TMCO5A: variants seen among roughly 807,000 people sequenced by gnomAD.
TMCO5A encodes the protein transmembrane and coiled-coil domain-containing protein 5A.
In TMCO5A, 34 loss-of-function variants were observed where a neutral mutation model predicts 42.3. That is an observed-to-expected ratio of 0.80 (90% CI 0.61 to 1.07). The LOEUF is 1.07. Among genes scored for constraint, TMCO5A ranks in the 50% least tolerant of loss-of-function variants. The pLI, the probability that TMCO5A is intolerant of heterozygous loss-of-function variation, is 0.00. For synonymous variants in TMCO5A, 131 were observed against 115.6 expected (o/e 1.13, Z -0.86); for missense variants, 357 against 327.9 (o/e 1.09, Z -0.69).
chr15:38,006,806 C>G, the TMCO5A span, among the ~76,000 whole-genome samples: 9,984 of 151,698 alleles, frequency 0.066, 1,111 homozygotes, highest in African/African-American at 0.23. Context: ...TGTAAAAAAT[C>G]ACCCAGTAAA....
the TMCO5A span, among the ~76,000 whole-genome samples, chr15:37,984,190 GC>G: frequency 0.011 from 1,626 of 152,308 alleles, 42 homozygotes; most frequent in African/African-American, 0.037. Flanking sequence ...AATACATGAA[GC>G]TTTTTTTAGC....
downstream of TMCO5A, among the ~76,000 whole-genome samples, chr15:37,972,096 T>A (rs1017577964): frequency 1.3e-5 from 2 of 152,174 alleles, no homozygotes; most frequent in African/African-American, 2.4e-5. Flanking sequence ...TACCTGAGAC[T>A]GGGCAATTTA....
At chr15:37,985,978 G>C in the TMCO5A span, among the ~76,000 whole-genome samples, 1 of 151,956 alleles carries the variant, frequency 6.6e-6, no homozygotes, top group Non-Finnish European at 1.5e-5. Context: ...AGGAAGTAAT[G>C]TGCCATTATC....
chr15:37,953,034 C>G (rs116303615), downstream of TMCO5A, among the ~76,000 whole-genome samples: 2,438 of 152,254 alleles, frequency 0.016, 74 homozygotes, highest in African/African-American at 0.055. Context: ...TTGAATGCTA[C>G]CTTATCTGCA....
chr15:38,010,169 C>G, the TMCO5A span, among the ~76,000 whole-genome samples: 1 of 151,582 alleles, frequency 6.6e-6, no homozygotes, highest in East Asian at 1.9e-4. Flanking sequence ...GTCAGGAGAT[C>G]GAGACCATCC....
At chr15:37,984,070 A>G in the TMCO5A span, among the ~76,000 whole-genome samples, 6 of 152,134 alleles carry the variant, frequency 3.9e-5, no homozygotes, top group African/African-American at 1.4e-4. Context: ...AACTCTTCTA[A>G]GTCTTACGTA....
chr15:37,937,219 A>C, intron 4 of TMCO5A, 127 bp from the exon 5 acceptor site: 5 of 1,187,430 alleles, frequency 4.2e-6, no homozygotes, highest in Middle Eastern at 3.9e-4. Context: ...CAATATACAC[A>C]TGACATTATG....
the TMCO5A span, among the ~76,000 whole-genome samples, chr15:38,022,657 T>C: frequency 3.3e-5 from 5 of 151,940 alleles, no homozygotes; most frequent in African/African-American, 1.2e-4. Context: ...TTTTATGGGG[T>C]TTGGGTGATA....
At chr15:37,999,787 T>C in the TMCO5A span, among the ~76,000 whole-genome samples, 1 of 152,214 alleles carries the variant, frequency 6.6e-6, no homozygotes, top group Non-Finnish European at 1.5e-5. Flanking sequence ...GAAATGATCA[T>C]GATTTTGTCC....
intron 10 of TMCO5A, among the ~76,000 whole-genome samples, chr15:37,945,869 G>T (rs1396242732): frequency 6.6e-6 from 1 of 152,070 alleles, no homozygotes; most frequent in African/African-American, 2.4e-5. Context: ...AAGCTCTTTA[G>T]TTTAAGTATA....
At chr15:37,957,661 C>T (rs1215719847) in intron 11 of TMCO5A, among the ~76,000 whole-genome samples, 1 of 152,164 alleles carries the variant, frequency 6.6e-6, no homozygotes, top group Non-Finnish European at 1.5e-5. Flanking sequence ...AATGGCCATA[C>T]TTCCCAAAGT....
intron 11 of TMCO5A, among the ~76,000 whole-genome samples, chr15:37,966,108 G>T (rs1890548832): frequency 6.6e-6 from 1 of 152,070 alleles, no homozygotes; most frequent in South Asian, 2.1e-4. Context: ...ATTTGCATTG[G>T]AACTGGAGGC....
the TMCO5A span, among the ~76,000 whole-genome samples, chr15:37,995,853 A>T: frequency 6.6e-6 from 1 of 151,796 alleles, no homozygotes; most frequent in African/African-American, 2.4e-5. Flanking sequence ...TCCAAAAAAA[A>T]AACAAACAAA....
At chr15:37,950,806 T>A (rs1395480482) in intron 11 of TMCO5A, among the ~76,000 whole-genome samples, 1 of 151,972 alleles carries the variant, frequency 6.6e-6, no homozygotes, top group Non-Finnish European at 1.5e-5. Context: ...AGAACAAAAT[T>A]ATTTTAGTGA....
the TMCO5A span, among the ~76,000 whole-genome samples, chr15:38,024,528 T>C: frequency 2.1e-4 from 32 of 151,912 alleles, no homozygotes; most frequent in Non-Finnish European, 4.4e-4. Flanking sequence ...GATGTGGGGG[T>C]TGTTTCACTG....
chr15:37,987,525 G>T, the TMCO5A span, among the ~76,000 whole-genome samples: 1 of 151,846 alleles, frequency 6.6e-6, no homozygotes, highest in African/African-American at 2.4e-5. Flanking sequence ...GATCCATTTT[G>T]AGTTAATTTT....
the TMCO5A span, among the ~76,000 whole-genome samples, chr15:37,976,351 T>C: frequency 4.2e-4 from 64 of 152,332 alleles, no homozygotes; most frequent in East Asian, 8.3e-3. Flanking sequence ...TTGTCTTTCA[T>C]TTCAGACTTG....
intron 9 of TMCO5A, chr15:37,943,081 T>G (rs570420325): frequency 5.9e-6 from 2 of 338,504 alleles, no homozygotes; most frequent in Non-Finnish European, 5.5e-6. Context: ...GCCAAGATTC[T>G]AGAAAAGGTT....
chr15:38,038,406 CTTT>C, the TMCO5A span, among the ~76,000 whole-genome samples: 6 of 139,006 alleles, frequency 4.3e-5, no homozygotes, highest in African/African-American at 2.6e-5. Flanking sequence ...ATGAAAATTT[CTTT>C]TTTTTTTTTT....
Sources: gnomAD v4.1 joint callset for allele counts (sites outside exome capture counted in the v4.1 genomes callset) on GRCh38, gnomAD v4.1.1 for gene constraint, MANE v1.5 for transcripts, NCBI Gene and HGNC (gene_info 2026-07-23, HGNC 2026-07-21) for gene names.